The following CPEB2 variants were observed in gnomAD, a reference collection of about 807,000 sequenced individuals.
CPEB2 encodes the protein cytoplasmic polyadenylation element binding protein 2.
Under a neutral mutation model 93.6 loss-of-function variants are expected in CPEB2, and 56 were observed. The ratio of observed to expected loss-of-function variants is 0.60; its 90% CI spans 0.48 to 0.75. The LOEUF (loss-of-function observed/expected upper bound fraction) is 0.75. CPEB2 is among the 30% of genes least tolerant of loss of function. The pLI, the probability that CPEB2 is intolerant of heterozygous loss-of-function variation, is 0.00. For missense variants in CPEB2, 1,579 were observed against 1,395.1 expected, an observed-to-expected ratio of 1.13 and a Z score of -2.10; for synonymous variants, 764 against 586.3, an observed-to-expected ratio of 1.30 and a Z score of -4.38.
intron 9 of CPEB2, among the ~76,000 whole-genome samples, chr4:15,058,773 C>T (rs529020576): frequency 2.0e-4 from 31 of 152,266 alleles, no homozygotes; most frequent in African/African-American, 6.7e-4. Flanking sequence ...GCAGGCAAGC[C>T]AGCATTACTG....
chr4:15,018,881 C>T (rs1053768416), intron 4 of CPEB2, among the ~76,000 whole-genome samples: 4 of 137,356 alleles, frequency 2.9e-5, no homozygotes, highest in East Asian at 2.1e-4. Context: ...TGAAGGGAAA[C>T]GTAAAAAGAG....
At chr4:15,015,746 G>A (rs189019609) in intron 3 of CPEB2, among the ~76,000 whole-genome samples, 162 of 152,062 alleles carry the variant, frequency 1.1e-3, no homozygotes, top group Non-Finnish European at 1.9e-3. Context: ...TGAGTGATAC[G>A]TTCCAAGACA....
At chr4:15,020,164 T>G (rs1448156456) in intron 4 of CPEB2, among the ~76,000 whole-genome samples, 1 of 152,064 alleles carries the variant, frequency 6.6e-6, no homozygotes, top group East Asian at 1.9e-4. Flanking sequence ...TCAAAACAAA[T>G]GCCCCAATGT....
intron 4 of CPEB2, among the ~76,000 whole-genome samples, chr4:15,024,644 T>C (rs76882773): frequency 0.08 from 12,109 of 152,224 alleles, 535 homozygotes; most frequent in South Asian, 0.18. Context: ...CTTCCTGCCT[T>C]CATTTTTTAA....
intron 4 of CPEB2, 25 bp downstream of exon 4, chr4:15,017,303 A>G: frequency 1.6e-6 from 2 of 1,265,164 alleles, no homozygotes; most frequent in Non-Finnish European, 2.3e-6. Context: ...AAAAAAATAT[A>G]TGTTTATATT....
At chr4:15,038,750 G>A (rs1264168203) in intron 5 of CPEB2, among the ~76,000 whole-genome samples, 2 of 151,854 alleles carry the variant, frequency 1.3e-5, no homozygotes, top group East Asian at 1.9e-4. Context: ...CACCACGCCC[G>A]GCTAATTTTT....
At chr4:15,005,734 C>T (rs1722730609) in intron 1 of CPEB2, among the ~76,000 whole-genome samples, 1 of 152,172 alleles carries the variant, frequency 6.6e-6, no homozygotes, top group South Asian at 2.1e-4. Flanking sequence ...ACCAAAGTGA[C>T]AGTGAACAGT....
At chr4:15,007,249 A>G in intron 1 of CPEB2, 56 bp from the exon 2 acceptor site, 2 of 1,372,208 alleles carry the variant, frequency 1.5e-6, no homozygotes, top group Non-Finnish European at 1.9e-6. Context: ...TTTGAATTTG[A>G]ATTTGAATTG....
At chr4:15,030,712 C>A (rs529678310) in intron 4 of CPEB2, among the ~76,000 whole-genome samples, 1 of 152,124 alleles carries the variant, frequency 6.6e-6, no homozygotes, top group African/African-American at 2.4e-5. Flanking sequence ...TTATTACTTA[C>A]ATTGAGAGAT....
intron 6 of CPEB2, among the ~76,000 whole-genome samples, chr4:15,049,528 C>T (rs1178135015): frequency 2.0e-5 from 3 of 151,992 alleles, no homozygotes; most frequent in African/African-American, 4.8e-5. Context: ...TAAAGTCTAA[C>T]CTTTAAAAGT....
Position 15,066,230 on chromosome 4 carries a change from T to C in CPEB2, c.2955T>C (p.Ala985=), listed in dbSNP as rs1455990623. The change falls in exon 12 of 12, where the codon GCT becomes GCC. Residue 985 remains alanine (A), a synonymous_variant. Transcript: ENST00000538197. ...GCGCACGCTGTGGTGGAAAATTTGCTCCCTTTTTTTGTGCCAATGTCACTT... is the reference window on the plus strand; with the variant it reads ...GCGCACGCTGTGGTGGAAAATTTGCCCCCTTTTTTTGTGCCAATGTCACTT... ...CQGARCGGKF[A]PFFCANVTCL... The C allele has an allele frequency of 6.8e-6, 11 of 1,613,462 alleles. No homozygotes were observed. Among genetic ancestry groups the C allele is most frequent in the African/African-American group, 1.3e-5 (1 of 74,848 alleles).
chr4:15,060,194 G>A (rs931972950), intron 10 of CPEB2, among the ~76,000 whole-genome samples: 1 of 152,048 alleles, frequency 6.6e-6, no homozygotes. Flanking sequence ...TGAAGGAACT[G>A]AAAGAAGCCC....
intron 11 of CPEB2, among the ~76,000 whole-genome samples, chr4:15,064,717 G>A (rs909758210): frequency 6.6e-6 from 1 of 152,098 alleles, no homozygotes; most frequent in Non-Finnish European, 1.5e-5. Flanking sequence ...GAGCAAATGG[G>A]TGCTGTCCCA....
intron 5 of CPEB2, among the ~76,000 whole-genome samples, chr4:15,038,355 C>G (rs1182441517): frequency 6.6e-6 from 1 of 151,440 alleles, no homozygotes; most frequent in Non-Finnish European, 1.5e-5. Flanking sequence ...ATTATGACAT[C>G]ATAATTTATC....
chr4:15,016,491 A>G (rs1341339598), intron 3 of CPEB2, among the ~76,000 whole-genome samples: 1 of 152,020 alleles, frequency 6.6e-6, no homozygotes, highest in African/African-American at 2.4e-5. Context: ...AGCAGACTTA[A>G]TGAGATTACT....
At chr4:15,026,926 A>G (rs73118164) in intron 4 of CPEB2, among the ~76,000 whole-genome samples, 212 of 152,292 alleles carry the variant, frequency 1.4e-3, no homozygotes, top group African/African-American at 4.3e-3. Flanking sequence ...GCTTTATACC[A>G]GTTCCACTGG....
chr4:15,018,973 C>G (rs1405436015), intron 4 of CPEB2, among the ~76,000 whole-genome samples: 1 of 138,678 alleles, frequency 7.2e-6, no homozygotes, highest in Non-Finnish European at 1.6e-5. Flanking sequence ...TATATATACA[C>G]ACGCACACAC....
At position 15,004,319 on chromosome 4, in the gene CPEB2, C is replaced by G; in HGVS notation, c.1646C>G (p.Ser549Cys). Residue 549 changes from serine (S) to cysteine (C), a missense_variant, in exon 1 of 12, where the codon TCC becomes TGC. Ser to Cys is a moderately radical substitution (Grantham distance 112). Around this residue, in one of 2 missense-constraint regions of CPEB2, gnomAD observed 1,411 missense variants for 1,056.0 expected, o/e 1.34. Transcript: ENST00000538197. Reference protein sequence around the residue: ...AAAAFLQQRNSYNHHQPLLKQ... With the variant: ...AAAAFLQQRNCYNHHQPLLKQ... ...GCCGCCTTCCTGCAGCAGAGGAACT[C>G]CTATAACCACCACCAGGTACGGCGG... 5.4e-6 allele frequency: 8 copies of G among 1,482,514 alleles called. No homozygotes were observed. The highest frequency in any genetic ancestry group is 2.9e-5 in the East Asian group (1 of 34,768). The allele number at this position is 1,482,514 out of a possible 1,614,324, so 91.8% of individuals were successfully genotyped here.
At chr4:15,016,061 T>C (rs1307189412) in intron 3 of CPEB2, among the ~76,000 whole-genome samples, 2 of 152,024 alleles carry the variant, frequency 1.3e-5, no homozygotes, top group African/African-American at 4.8e-5. Flanking sequence ...TGGTCTCTCT[T>C]GAAGCTAATG....
Sources: gnomAD v4.1 joint callset for allele counts (sites outside exome capture counted in the v4.1 genomes callset) on GRCh38, gnomAD v4.1.1 for gene constraint, gnomAD v4.1.1 regional missense constraint, MANE v1.5 for transcripts, NCBI Gene and HGNC (gene_info 2026-07-23, HGNC 2026-07-21) for gene names.